The following WDPCP variants were observed in gnomAD, a reference collection of about 807,000 sequenced individuals.
WDPCP encodes the protein WD repeat containing planar cell polarity effector.
Under a neutral mutation model 93.1 loss-of-function variants are expected in WDPCP, and 71 were observed. That is an observed-to-expected ratio of 0.76 (90% confidence interval 0.63 to 0.93). WDPCP has a LOEUF of 0.93. Ranked by LOEUF, WDPCP falls within the 40% of genes least tolerant of loss-of-function variation. WDPCP has a pLI of 0.00. For missense variants in WDPCP, 844 were observed against 887.4 expected (o/e 0.95, Z 0.62); for synonymous variants, 315 against 315.0 (o/e 1.00, Z 0.00).
At chr2:63,130,184 C>T (rs535625534) in intron 17 of WDPCP, among the ~76,000 whole-genome samples, 61 of 152,186 alleles carry the variant, frequency 4.0e-4, no homozygotes, top group South Asian at 3.7e-3. Flanking sequence ...CCTGTGAAAT[C>T]GTTGCCAAAT....
At position 63,567,079 on chromosome 2, in the gene WDPCP, T is replaced by A. The variant is rs982508971; in HGVS notation, c.75+21118A>T. On this transcript the variant is annotated intron_variant, in intron 1 of 17. Transcript: ENST00000272321. Reference sequence around the variant, plus strand: ...TATGCCTTCTACTGGCTTGCCACCCTCCCAGCACTGCAATGTGTTCACCAA... The same window carrying A: ...TATGCCTTCTACTGGCTTGCCACCCACCCAGCACTGCAATGTGTTCACCAA... Among the ~76,000 whole-genome samples the A allele has an allele frequency of 2.6e-5, 4 of 152,272 alleles. No homozygotes were observed. The South Asian group carries it at 8.3e-4, about 32-fold the overall frequency.
the WDPCP span, among the ~76,000 whole-genome samples, chr2:63,840,471 G>C: frequency 6.6e-6 from 1 of 152,212 alleles, no homozygotes; most frequent in African/African-American, 2.4e-5. Context: ...GTTCCGGTGA[G>C]GGAGCCTTCA....
intron 2 of WDPCP, among the ~76,000 whole-genome samples, chr2:63,778,575 T>C (rs917604026): frequency 6.6e-6 from 1 of 152,220 alleles, no homozygotes; most frequent in Admixed American, 6.5e-5. Flanking sequence ...ACCTCTGAGA[T>C]GGCCTCCTAA....
At chr2:63,563,449 G>A (rs1706783808) in intron 1 of WDPCP, among the ~76,000 whole-genome samples, 1 of 151,906 alleles carries the variant, frequency 6.6e-6, no homozygotes, top group Admixed American at 6.6e-5. Flanking sequence ...AAAGCCAATA[G>A]ACACATAAAG....
At chr2:63,402,326 G>A (rs1043010179) in intron 10 of WDPCP, among the ~76,000 whole-genome samples, 7 of 152,126 alleles carry the variant, frequency 4.6e-5, no homozygotes, top group African/African-American at 1.7e-4. Context: ...GGGGTGGGGA[G>A]CAAGGAGAGG....
intron 1 of WDPCP, among the ~76,000 whole-genome samples, chr2:63,550,142 A>G (rs1031258317): frequency 8.0e-5 from 12 of 150,320 alleles, no homozygotes; most frequent in African/African-American, 2.4e-4. Context: ...TAGATTCTTT[A>G]TCTCACACAT....
chr2:63,694,578 TATATAC>T (rs1668937989), intron 2 of WDPCP, among the ~76,000 whole-genome samples: 1 of 152,148 alleles, frequency 6.6e-6, no homozygotes, highest in African/African-American at 2.4e-5. Flanking sequence ...CATTCATCAA[TATATAC>T]TGAAAATGTA....
rs538360922 is a variant in WDPCP, at chr2:63,750,557, G to C, written n.308+63065C>G. 3.0e-4 allele frequency among the ~76,000 whole-genome samples: 46 copies of C among 152,204 alleles called. No homozygotes were observed. In the South Asian group the frequency reaches 8.9e-3, roughly 29 times the overall value. ...TAACACTGTTGAGTACAAGTTGTAA[G>C]GGTGGGCCTTCACTCTTGGTTACTG... On this transcript the variant is annotated intron_variant and non_coding_transcript_variant, in intron 2 of 4. Coordinates refer to the WDPCP transcript ENST00000467687.
At chr2:63,124,990 C>T (rs1326903158) in intron 17 of WDPCP, among the ~76,000 whole-genome samples, 1 of 152,084 alleles carries the variant, frequency 6.6e-6, no homozygotes, top group Admixed American at 6.5e-5. Flanking sequence ...TATAAGCATG[C>T]TAGCTAGTGG....
chr2:63,179,342 C>T (rs941366631), intron 14 of WDPCP, among the ~76,000 whole-genome samples: 7 of 151,654 alleles, frequency 4.6e-5, no homozygotes, highest in Admixed American at 4.6e-4. Flanking sequence ...AACTTTTCCT[C>T]ATGGAGGAAG....
At chr2:63,658,695 C>A in intron 2 of WDPCP, among the ~76,000 whole-genome samples, 1 of 152,180 alleles carries the variant, frequency 6.6e-6, no homozygotes, top group East Asian at 1.9e-4. Flanking sequence ...ATAGTTTGCA[C>A]CCCCAACCTG....
At chr2:63,518,911 C>T (rs1318066103) in intron 1 of WDPCP, 1 of 152,386 alleles carries the variant, frequency 6.6e-6, no homozygotes, top group Non-Finnish European at 1.5e-5. Flanking sequence ...CACCTCCCAC[C>T]CACAGACTCC....
chr2:63,624,348 A>G (rs1301684271), intron 3 of WDPCP, among the ~76,000 whole-genome samples: 3 of 152,156 alleles, frequency 2.0e-5, no homozygotes, highest in Non-Finnish European at 4.4e-5. Flanking sequence ...GCAGAACTGC[A>G]GATTAGAACA....
intron 3 of WDPCP, among the ~76,000 whole-genome samples, chr2:63,630,638 A>C (rs2106634178): frequency 6.6e-6 from 1 of 152,334 alleles, no homozygotes; most frequent in South Asian, 2.1e-4. Flanking sequence ...AAAAACTGAT[A>C]GGATTAATGA....
intron 8 of WDPCP, among the ~76,000 whole-genome samples, chr2:63,434,617 C>G (rs1021359073): frequency 6.6e-6 from 1 of 151,998 alleles, no homozygotes; most frequent in African/African-American, 2.4e-5. Context: ...CACCGTATTT[C>G]TGCTTAAGGA....
At chr2:63,292,768 C>G (rs569612133) in intron 13 of WDPCP, among the ~76,000 whole-genome samples, 1 of 152,286 alleles carries the variant, frequency 6.6e-6, no homozygotes, top group Non-Finnish European at 1.5e-5. Context: ...GAATCTGGAA[C>G]CTAAATAATA....
At chr2:63,416,039 G>GA (rs1695390340) in intron 9 of WDPCP, among the ~76,000 whole-genome samples, 1 of 151,952 alleles carries the variant, frequency 6.6e-6, no homozygotes, top group African/African-American at 2.4e-5. Flanking sequence ...AAATGTAAAT[G>GA]AAAAAAATTC....
chr2:63,374,287 T>C (rs918375094), intron 12 of WDPCP, among the ~76,000 whole-genome samples: 1 of 152,168 alleles, frequency 6.6e-6, no homozygotes, highest in African/African-American at 2.4e-5. Flanking sequence ...CAGGAGAACG[T>C]TGAGTTTGCT....
At chr2:63,809,255 C>T (rs1465971679) in intron 2 of WDPCP, among the ~76,000 whole-genome samples, 2 of 151,644 alleles carry the variant, frequency 1.3e-5, no homozygotes, top group African/African-American at 4.9e-5. Flanking sequence ...AGGAGCCCCT[C>T]TGCCCAGCCA....
Sources: gnomAD v4.1 joint callset for allele counts (sites outside exome capture counted in the v4.1 genomes callset) on GRCh38, gnomAD v4.1.1 for gene constraint, MANE v1.5 for transcripts, NCBI Gene and HGNC (gene_info 2026-07-23, HGNC 2026-07-21) for gene names.